Variants in SLX4IP observed in about 807,000 individuals in gnomAD.
The protein encoded by SLX4IP is SLX4 interacting protein.
In SLX4IP, 34 loss-of-function variants were observed where a neutral mutation model predicts 32.9. That is an observed-to-expected ratio of 1.03 (90% CI 0.79 to 1.38). The LOEUF (loss-of-function observed/expected upper bound fraction) is 1.38. Among genes scored for constraint, SLX4IP ranks in the 40% most tolerant of loss-of-function variants. The pLI is 0.00. For missense variants in SLX4IP, 444 were observed against 479.0 expected (o/e 0.93, Z 0.68); for synonymous variants, 172 against 171.7 (o/e 1.00, Z -0.01).
At chr20:10,504,065 C>T (rs1026353396) in intron 2 of SLX4IP, among the ~76,000 whole-genome samples, 22 of 152,324 alleles carry the variant, frequency 1.4e-4, no homozygotes, top group Admixed American at 1.3e-3. Flanking sequence ...ACCCACAATG[C>T]TCTTCGTGAG....
intron 3 of SLX4IP, among the ~76,000 whole-genome samples, chr20:10,560,350 C>A (rs1188570758): frequency 6.6e-6 from 1 of 152,224 alleles, no homozygotes; most frequent in Non-Finnish European, 1.5e-5. Flanking sequence ...CACAGTACAA[C>A]TGATTGATAC....
intron 2 of SLX4IP, among the ~76,000 whole-genome samples, chr20:10,498,388 A>G (rs1215543443): frequency 2.0e-4 from 31 of 151,828 alleles, no homozygotes; most frequent in Admixed American, 1.6e-3. Context: ...TATCTCTCCC[A>G]TTACTCTGCA....
At chr20:10,615,463 T>A (rs190554760) in intron 6 of SLX4IP, among the ~76,000 whole-genome samples, 10 of 152,266 alleles carry the variant, frequency 6.6e-5, no homozygotes, top group Non-Finnish European at 7.4e-5. Context: ...TCTTCTCAAC[T>A]TCTTTTACTC....
At chr20:10,586,144 G>T (rs1012513200) in intron 4 of SLX4IP, among the ~76,000 whole-genome samples, 1 of 152,082 alleles carries the variant, frequency 6.6e-6, no homozygotes, top group Non-Finnish European at 1.5e-5. Flanking sequence ...TCTCTCTCTT[G>T]TTAGTCCTAT....
At chr20:10,594,079 G>A (rs941503606) in intron 4 of SLX4IP, among the ~76,000 whole-genome samples, 1 of 152,200 alleles carries the variant, frequency 6.6e-6, no homozygotes, top group East Asian at 1.9e-4. Flanking sequence ...GTTTCATGAT[G>A]TCCACTTCGA....
intron 2 of SLX4IP, among the ~76,000 whole-genome samples, chr20:10,536,794 G>A (rs561313778): frequency 6.6e-6 from 1 of 152,332 alleles, no homozygotes; most frequent in South Asian, 2.1e-4. Context: ...ATGTTGTAAT[G>A]TATACTCAGA....
At chr20:10,439,293 C>T (rs6108579) in intron 1 of SLX4IP, among the ~76,000 whole-genome samples, 52,204 of 151,920 alleles carry the variant, frequency 0.34, 11,544 homozygotes, top group Non-Finnish European at 0.49. Flanking sequence ...GCTGCAGCCT[C>T]CACCTCCTGG....
chr20:10,451,438 G>A (rs1600884319), intron 1 of SLX4IP, among the ~76,000 whole-genome samples: 1 of 152,040 alleles, frequency 6.6e-6, no homozygotes, highest in East Asian at 1.9e-4. Context: ...GGGATTACAG[G>A]TGTGAACCAC....
intron 2 of SLX4IP, among the ~76,000 whole-genome samples, chr20:10,550,119 T>C (rs953211677): frequency 2.0e-4 from 30 of 152,328 alleles, no homozygotes; most frequent in African/African-American, 7.2e-4. Context: ...ATTTTTCACA[T>C]TTGTACCTAG....
intron 4 of SLX4IP, among the ~76,000 whole-genome samples, chr20:10,585,573 TTTTC>T (rs528144254): frequency 0.021 from 3,135 of 151,780 alleles, 100 homozygotes; most frequent in African/African-American, 0.07. Flanking sequence ...CTTTCCTTTT[TTTTC>T]TTTCTTTCTT....
intron 2 of SLX4IP, among the ~76,000 whole-genome samples, chr20:10,485,926 G>C (rs990302531): frequency 6.6e-6 from 1 of 152,004 alleles, no homozygotes; most frequent in Admixed American, 6.5e-5. Context: ...ATATTGAGTC[G>C]GTGGAAGAAG....
chr20:10,483,252 T>C (rs1217856504), intron 2 of SLX4IP, among the ~76,000 whole-genome samples: 1 of 152,086 alleles, frequency 6.6e-6, no homozygotes, highest in East Asian at 1.9e-4. Context: ...CATGAGTAGG[T>C]GGGATTACAG....
intron 2 of SLX4IP, among the ~76,000 whole-genome samples, chr20:10,493,003 T>A (rs185169184): frequency 6.6e-6 from 1 of 152,084 alleles, no homozygotes; most frequent in Non-Finnish European, 1.5e-5. Context: ...GGGGTCTTGC[T>A]ATGTTGGCCA....
chr20:10,484,299 G>A (rs1342375436), intron 2 of SLX4IP, among the ~76,000 whole-genome samples: 1 of 152,078 alleles, frequency 6.6e-6, no homozygotes, highest in African/African-American at 2.4e-5. Flanking sequence ...GATCTTGATG[G>A]TCTTTAGGTT....
At chr20:10,512,778 C>G (rs8116187) in intron 2 of SLX4IP, among the ~76,000 whole-genome samples, 98 of 25,648 alleles carry the variant, frequency 3.8e-3, no homozygotes, top group Non-Finnish European at 6.6e-3. Context: ...CACACACACT[C>G]TATATATATA....
intron 5 of SLX4IP, among the ~76,000 whole-genome samples, chr20:10,599,965 C>T (rs903022659): frequency 1.3e-5 from 2 of 151,916 alleles, no homozygotes; most frequent in Non-Finnish European, 2.9e-5. Flanking sequence ...ATGCAAATAC[C>T]GAGGAATTAT....
At chr20:10,490,137 C>G (rs1356887681) in intron 2 of SLX4IP, among the ~76,000 whole-genome samples, 1 of 151,600 alleles carries the variant, frequency 6.6e-6, no homozygotes, top group African/African-American at 2.4e-5. Context: ...ATCATGCAAA[C>G]CTAAAGAACA....
chr20:10,511,086 T>A (rs1170594586), intron 2 of SLX4IP, among the ~76,000 whole-genome samples: 1 of 152,176 alleles, frequency 6.6e-6, no homozygotes, highest in Non-Finnish European at 1.5e-5. Flanking sequence ...TCCATTTACC[T>A]TTTTGGCAAA....
At chr20:10,519,844 G>A (rs2122447136) in intron 2 of SLX4IP, among the ~76,000 whole-genome samples, 1 of 152,280 alleles carries the variant, frequency 6.6e-6, no homozygotes, top group South Asian at 2.1e-4. Flanking sequence ...TACCAGCCAC[G>A]TATGATGGTT....
Sources: gnomAD v4.1 joint callset for allele counts (sites outside exome capture counted in the v4.1 genomes callset) on GRCh38, gnomAD v4.1.1 for gene constraint, MANE v1.5 for transcripts, NCBI Gene and HGNC (gene_info 2026-07-23, HGNC 2026-07-21) for gene names.